Variants in HERC2 observed in about 807,000 individuals in gnomAD.
HERC2 encodes the protein HECT and RLD domain containing E3 ubiquitin protein ligase 2, also known as E3 ubiquitin-protein ligase HERC2.
HERC2 carries 102 observed loss-of-function variants against 537.7 expected under a neutral mutation model. The observed-to-expected ratio is 0.19, with a 90% CI of 0.16 to 0.22. The LOEUF is 0.22. Ranked by LOEUF, HERC2 falls within the 10% of genes least tolerant of loss-of-function variation. The pLI is 1.00. For missense variants in HERC2, 4,236 were observed against 6,198.2 expected, an observed-to-expected ratio of 0.68 and a Z score of 10.63; for synonymous variants, 2,224 against 2,466.2, an observed-to-expected ratio of 0.90 and a Z score of 2.91.
At chr15:28,125,819 A>G (rs572166574) in intron 83 of HERC2, among the ~76,000 whole-genome samples, 1 of 152,222 alleles carries the variant, frequency 6.6e-6, no homozygotes, top group South Asian at 2.1e-4. Flanking sequence ...GATTACATGC[A>G]TGAACCACTG....
intron 52 of HERC2, among the ~76,000 whole-genome samples, chr15:28,194,442 C>A (rs1026976543): frequency 6.6e-6 from 1 of 151,088 alleles, no homozygotes; most frequent in Non-Finnish European, 1.5e-5. Context: ...TGGTGGCGGG[C>A]GCCTGTAGTC....
chr15:28,230,432 C>G lies in HERC2; in HGVS notation c.4744G>C (p.Ala1582Pro), dbSNP rs1172069119. 1 of 1,452,392 alleles carries G rather than the reference C, an allele frequency of 6.9e-7. No homozygotes were observed. The highest frequency in any genetic ancestry group is 1.7e-5 in the Admixed American group (1 of 59,762). 90.0% of individuals were successfully genotyped at this position (1,452,392 alleles called of 1,614,324 possible). The change falls in exon 31 of 93, where the codon GCT (alanine) becomes CCT (proline). Residue 1582 changes from alanine (A) to proline (P), a missense_variant. By Grantham distance (27) the Ala-to-Pro change is conservative. This residue lies in a region of HERC2 where 343 missense variants were observed against 417.2 expected (regional missense o/e 0.82). Coordinates refer to ENST00000261609, the MANE Select transcript of HERC2 (RefSeq NM_004667.6). ...ATTGGACTATGAGGCAAAATGCAAGCTTCTTCTAAATCACTCTCTTCGTTT... is the reference window on the plus strand; with the variant it reads ...ATTGGACTATGAGGCAAAATGCAAGGTTCTTCTAAATCACTCTCTTCGTTT... ...IGNEESDLEE[A>P]CILPHSPINV...
At chr15:28,166,854 T>C (rs1596105574) in intron 68 of HERC2, among the ~76,000 whole-genome samples, 3 of 152,136 alleles carry the variant, frequency 2.0e-5, no homozygotes, top group Admixed American at 2.0e-4. Context: ...CCAGGACCAT[T>C]TGGGTGTCAA....
At position 28,262,982 on chromosome 15, in the gene HERC2, G is replaced by A; in HGVS notation, c.2058C>T (p.Asn686=). ...GQVYSWGKGD[N]QRLGHGTEEH... ...CCTCTGTTCCATGTCCAAGTCTCTGGTTGTCACCTTTTCCCCATGAATAAA... is the reference window on the plus strand; with the variant it reads ...CCTCTGTTCCATGTCCAAGTCTCTGATTGTCACCTTTTCCCCATGAATAAA... Residue 686 remains asparagine (N), a synonymous_variant, in exon 15 of 93, where the codon AAC becomes AAT. Coordinates refer to ENST00000261609, the MANE Select transcript of HERC2 (RefSeq NM_004667.6). 1 of 1,614,126 alleles carries A rather than the reference G, an allele frequency of 6.2e-7. No homozygotes were observed. The highest frequency in any genetic ancestry group is 8.5e-7 in the Non-Finnish European group (1 of 1,180,008).
chr15:28,206,832 CAAAAAAAAAAA>C (rs71132838), intron 44 of HERC2, among the ~76,000 whole-genome samples: 3,803 of 51,904 alleles, frequency 0.073, 282 homozygotes, highest in African/African-American at 0.24. Context: ...GACTCGGTCT[CAAAAAAAAAAA>C]AAAAAAAAAA....
At chr15:28,165,779 A>G (rs1894072954) in intron 68 of HERC2, among the ~76,000 whole-genome samples, 1 of 152,174 alleles carries the variant, frequency 6.6e-6, no homozygotes, top group South Asian at 2.1e-4. Context: ...CAGCCTGGGC[A>G]ACAGAACAAG....
intron 86 of HERC2, among the ~76,000 whole-genome samples, chr15:28,119,170 T>C (rs920162077): frequency 1.3e-5 from 2 of 151,472 alleles, no homozygotes; most frequent in Non-Finnish European, 2.9e-5. Context: ...CCGAGGCGAG[T>C]GGATCACCTG....
In HERC2 at chr15:28,280,157, G is replaced by A. The variant is rs943274195; in HGVS notation, c.453C>T (p.Phe151=). The A allele has an allele frequency of 3.1e-6, 5 of 1,614,066 alleles. No homozygotes were observed. The highest frequency in any genetic ancestry group is 1.3e-5 in the African/African-American group (1 of 74,934). Residue 151 remains phenylalanine, a synonymous_variant, in exon 5 of 93, where the codon TTC becomes TTT. Coordinates refer to ENST00000261609, the MANE Select transcript of HERC2 (RefSeq NM_004667.6). ...KQRLVILERY[F]IALNRTVFQE... ...GAAAAACGGTTCTATTCAAGGCAAT[G>A]AAATAGCGCTCCAAGATCACCAGCC... is the stretch of plus-strand genomic sequence containing the variant.
Position 28,174,421 on chromosome 15 carries a change from C to T in HERC2, c.10031G>A (p.Arg3344Lys), listed in dbSNP as rs1283213429. The T allele has an allele frequency of 6.2e-7, 1 of 1,611,866 alleles. No individual in the cohort carries two copies. Among genetic ancestry groups the T allele is most frequent in the East Asian group, 2.2e-5 (1 of 44,878 alleles). Reference sequence around the variant, plus strand: ...TAAATAGGAAGCACCTAAAGGGTCTCTTGCAGTCTGGAAGAGGACGGGCTC... The same window carrying T: ...TAAATAGGAAGCACCTAAAGGGTCTTTTGCAGTCTGGAAGAGGACGGGCTC... ...VHEPVLFQTA[R>K]DPLGASYLGV... Residue 3344 changes from arginine (R) to lysine (K), a missense_variant, in exon 65 of 93, where the codon AGA becomes AAA. Around this residue, in one of 27 missense-constraint regions of HERC2, gnomAD observed 93 missense variants for 265.1 expected, o/e 0.35. Transcript: ENST00000261609.
At chr15:28,263,884 T>C (rs2075482436) in intron 14 of HERC2, among the ~76,000 whole-genome samples, 1 of 151,734 alleles carries the variant, frequency 6.6e-6, no homozygotes, top group South Asian at 2.1e-4. Context: ...ATACAGAAAT[T>C]AGCCAGGCAT....
chr15:28,304,962 G>A (rs1052309047), intron 2 of HERC2, among the ~76,000 whole-genome samples: 2 of 147,400 alleles, frequency 1.4e-5, no homozygotes, highest in African/African-American at 2.5e-5. Flanking sequence ...GAGAATATGC[G>A]GTGTTCGGTT....
At chr15:28,255,016 C>T (rs1417997354) in intron 19 of HERC2, among the ~76,000 whole-genome samples, 1 of 152,226 alleles carries the variant, frequency 6.6e-6, no homozygotes, top group Non-Finnish European at 1.5e-5. Context: ...TTGTACACAG[C>T]ACAACCGTGG....
chr15:28,282,847 A>G (rs1165354504), intron 4 of HERC2, among the ~76,000 whole-genome samples: 2 of 151,852 alleles, frequency 1.3e-5, no homozygotes, highest in South Asian at 2.1e-4. Context: ...CAGAAGAATC[A>G]TTCGAACTAG....
intron 86 of HERC2, among the ~76,000 whole-genome samples, chr15:28,120,548 G>A (rs1260003253): frequency 6.6e-6 from 1 of 152,180 alleles, no homozygotes; most frequent in Non-Finnish European, 1.5e-5. Flanking sequence ...TTAACTGTGA[G>A]TTTATATACA....
At chr15:28,198,823 A>C in intron 48 of HERC2, 54 bp from the exon 49 acceptor site, 1 of 1,451,296 alleles carries the variant, frequency 6.9e-7, no homozygotes, top group Non-Finnish European at 9.5e-7. Flanking sequence ...AGGTGAAATG[A>C]GCCATGATAA....
chr15:28,303,263 T>G (rs1042526433), intron 2 of HERC2, among the ~76,000 whole-genome samples: 30 of 152,380 alleles, frequency 2.0e-4, no homozygotes, highest in Non-Finnish European at 4.3e-4. Context: ...AATGAGGCTA[T>G]CCTTTCCCTC....
At chr15:28,219,543 A>C (rs1900293844) in intron 37 of HERC2, among the ~76,000 whole-genome samples, 1 of 152,198 alleles carries the variant, frequency 6.6e-6, no homozygotes, top group South Asian at 2.1e-4. Flanking sequence ...AGTAGGGAAC[A>C]CTTCTGCTCA....
intron 68 of HERC2, among the ~76,000 whole-genome samples, chr15:28,167,306 T>C (rs1894243148): frequency 6.6e-6 from 1 of 152,222 alleles, no homozygotes; most frequent in Non-Finnish European, 1.5e-5. Context: ...GCACCGTTCC[T>C]GTGGTGTCTG....
chr15:28,124,279 C>A (rs753776822), intron 84 of HERC2, 45 bp from the exon 85 acceptor site: 3 of 1,299,858 alleles, frequency 2.3e-6, no homozygotes, highest in Non-Finnish European at 3.1e-6. Context: ...ACCAAAGGCA[C>A]ACGGGGGCCA....
Sources: gnomAD v4.1 joint callset for allele counts (sites outside exome capture counted in the v4.1 genomes callset) on GRCh38, gnomAD v4.1.1 for gene constraint, gnomAD v4.1.1 regional missense constraint, MANE v1.5 for transcripts, NCBI Gene and HGNC (gene_info 2026-07-23, HGNC 2026-07-21) for gene names.